The following LRP1B variants were observed in gnomAD, a reference collection of about 807,000 sequenced individuals.
LRP1B encodes the protein LDL receptor related protein 1B, also known as low-density lipoprotein receptor-related protein 1B.
LRP1B carries 217 observed loss-of-function variants against 556.6 expected under a neutral mutation model. The ratio of observed to expected loss-of-function variants is 0.39; its 90% CI spans 0.35 to 0.44. The LOEUF (loss-of-function observed/expected upper bound fraction) is 0.44, where lower values mean the gene tolerates loss of function less well. LRP1B is among the 20% of genes least tolerant of loss of function. The probability of loss-of-function intolerance (pLI) is 1.00; values close to 1 mark genes in which losing one functional copy is unlikely to be tolerated. For synonymous variants in LRP1B, 2,047 were observed against 1,865.8 expected (o/e 1.10, Z -2.50); for missense variants, 5,053 against 5,620.8 (o/e 0.90, Z 3.23).
intron 31 of LRP1B, among the ~76,000 whole-genome samples, chr2:140,833,500 A>G (rs1691789558): frequency 6.6e-6 from 1 of 152,204 alleles, no homozygotes. Context: ...ATTTATTTCA[A>G]TGCTTAATAT....
intron 18 of LRP1B, among the ~76,000 whole-genome samples, chr2:140,957,036 A>AT (rs1374519400): frequency 1.3e-5 from 2 of 151,662 alleles, no homozygotes; most frequent in African/African-American, 4.8e-5. Context: ...GAGTATTCTC[A>AT]TTTTTCAGAG....
intron 1 of LRP1B, among the ~76,000 whole-genome samples, chr2:141,904,952 T>G (rs1699713519): frequency 6.6e-6 from 1 of 151,680 alleles, no homozygotes; most frequent in African/African-American, 2.4e-5. Context: ...ACTAGAAAAA[T>G]GATGGGAGCT....
intron 32 of LRP1B, among the ~76,000 whole-genome samples, chr2:140,804,400 C>A (rs1298235783): frequency 2.0e-5 from 3 of 151,920 alleles, no homozygotes; most frequent in Non-Finnish European, 4.4e-5. Flanking sequence ...TGTCTGTATG[C>A]TAATTTTACT....
chr2:141,860,012 A>C (rs1043201595), intron 1 of LRP1B, among the ~76,000 whole-genome samples: 1 of 152,178 alleles, frequency 6.6e-6, no homozygotes, highest in African/African-American at 2.4e-5. Flanking sequence ...CATAAAAAAC[A>C]AACAGAAAAT....
At chr2:141,857,854 G>A (rs564488306) in intron 1 of LRP1B, among the ~76,000 whole-genome samples, 2 of 152,104 alleles carry the variant, frequency 1.3e-5, no homozygotes, top group East Asian at 1.9e-4. Context: ...CTGTACTGCA[G>A]ATATTTAAAG....
chr2:141,980,852 TATG>T (rs1264798927), intron 1 of LRP1B, among the ~76,000 whole-genome samples: 1 of 152,096 alleles, frequency 6.6e-6, no homozygotes, highest in Non-Finnish European at 1.5e-5. Context: ...AACTCAAGAC[TATG>T]TTCACTTTGA....
At chr2:141,875,221 G>A (rs12623066) in intron 1 of LRP1B, among the ~76,000 whole-genome samples, 26,410 of 150,888 alleles carry the variant, frequency 0.18, 2,718 homozygotes, top group East Asian at 0.34. Flanking sequence ...TGTTGCCCAG[G>A]CGGGTCTCAA....
chr2:140,301,827 G>A (rs947319504), intron 83 of LRP1B, among the ~76,000 whole-genome samples: 6 of 151,470 alleles, frequency 4.0e-5, no homozygotes, highest in Non-Finnish European at 5.9e-5. Flanking sequence ...AAAAATCAAA[G>A]TGCATTAGAA....
At chr2:140,635,445 TA>T (rs1684038738) in intron 41 of LRP1B, among the ~76,000 whole-genome samples, 1 of 152,052 alleles carries the variant, frequency 6.6e-6, no homozygotes, top group Admixed American at 6.5e-5. Flanking sequence ...AAAAATTCCT[TA>T]TTTTTTTGTT....
At chr2:141,965,798 CAAAAAAA>C (rs201872645) in intron 1 of LRP1B, among the ~76,000 whole-genome samples, 2 of 98,620 alleles carry the variant, frequency 2.0e-5, no homozygotes, top group Admixed American at 1.1e-4. Flanking sequence ...AATATGTATC[CAAAAAAA>C]AAAAAAAAGA....
chr2:140,240,420 T>C (rs992441995), intron 87 of LRP1B, among the ~76,000 whole-genome samples: 8 of 150,730 alleles, frequency 5.3e-5, no homozygotes, highest in Non-Finnish European at 1.2e-4. Flanking sequence ...TGGTTTTCTA[T>C]GTATATACTA....
chr2:141,228,072 G>C (rs187766289), intron 6 of LRP1B, among the ~76,000 whole-genome samples: 2 of 152,044 alleles, frequency 1.3e-5, no homozygotes, highest in Non-Finnish European at 2.9e-5. Context: ...GATTAAAGGC[G>C]TGCACCAGCA....
intron 31 of LRP1B, among the ~76,000 whole-genome samples, chr2:140,819,043 G>A (rs1036361867): frequency 1.3e-5 from 2 of 151,930 alleles, no homozygotes; most frequent in African/African-American, 4.8e-5. Flanking sequence ...CAAATCTAAG[G>A]TGTTAGCCTT....
intron 3 of LRP1B, among the ~76,000 whole-genome samples, chr2:141,423,796 T>C (rs1383186106): frequency 6.8e-6 from 1 of 147,146 alleles, no homozygotes; most frequent in Non-Finnish European, 1.5e-5. Context: ...TATACTACTG[T>C]TTTCATTATT....
intron 35 of LRP1B, among the ~76,000 whole-genome samples, chr2:140,767,791 C>T (rs1357907173): frequency 1.3e-5 from 2 of 151,760 alleles, no homozygotes; most frequent in Non-Finnish European, 2.9e-5. Flanking sequence ...ATTATGGAGT[C>T]TTCAAAATAA....
rs542993650 is a variant in LRP1B at position 140,743,443 on chromosome 2, C to T, written c.5758+25770G>A. Among the ~76,000 whole-genome samples the T allele has an allele frequency of 3.0e-4, 46 of 152,158 alleles. 1 individual carries two copies. The South Asian group carries it at 9.6e-3, about 32-fold the overall frequency. On this transcript the variant is annotated intron_variant, in intron 35 of 90. Coordinates refer to ENST00000389484, the MANE Select transcript of LRP1B (RefSeq NM_018557.3). Reference sequence around the variant, plus strand: ...TTCAGAATTGCATGCATTCAAAATCCAAATCAAATCCAAACCTGCCCTTTA... The same window carrying T: ...TTCAGAATTGCATGCATTCAAAATCTAAATCAAATCCAAACCTGCCCTTTA...
At chr2:140,468,087 T>C (rs988043545) in intron 60 of LRP1B, among the ~76,000 whole-genome samples, 3 of 152,146 alleles carry the variant, frequency 2.0e-5, no homozygotes, top group African/African-American at 7.2e-5. Context: ...TTGGAGGTCT[T>C]CAAGGCTACC....
At chr2:140,982,121 C>T (rs1301930034) in intron 18 of LRP1B, 39 bp downstream of exon 18, 2 of 1,500,326 alleles carry the variant, frequency 1.3e-6, no homozygotes, top group South Asian at 2.3e-5. Context: ...TCCTATCTGA[C>T]ACAATCTGTA....
At chr2:141,520,016 C>G (rs1193039567) in intron 2 of LRP1B, among the ~76,000 whole-genome samples, 1 of 152,108 alleles carries the variant, frequency 6.6e-6, no homozygotes, top group African/African-American at 2.4e-5. Context: ...TGTATTTTCT[C>G]TTTGATTTTC....
Sources: allele counts gnomAD v4.1 joint callset (sites outside exome capture counted in the v4.1 genomes callset), GRCh38; gene constraint gnomAD v4.1.1; transcripts MANE v1.5; gene names NCBI Gene and HGNC (gene_info 2026-07-23, HGNC 2026-07-21).